The following GOSR1 variants were observed in gnomAD, a reference collection of about 807,000 sequenced individuals.
The protein encoded by GOSR1 is golgi SNAP receptor complex member 1, also known as 28 kDa Golgi SNARE protein.
A neutral mutation model predicts 35.5 loss-of-function variants in GOSR1; 21 were observed. The ratio of observed to expected loss-of-function variants is 0.59; its 90% CI spans 0.42 to 0.85. GOSR1 has a LOEUF of 0.85. GOSR1 is among the 40% of genes least tolerant of loss of function. The pLI, the probability that GOSR1 is intolerant of heterozygous loss-of-function variation, is 0.00. For missense variants in GOSR1, 285 were observed against 309.6 expected (o/e 0.92, Z 0.60); for synonymous variants, 94 against 106.6 (o/e 0.88, Z 0.73).
chr17:30,520,279 C>T, intron 8 of GOSR1: 1 of 314,092 alleles, frequency 3.2e-6, no homozygotes, highest in Non-Finnish European at 5.8e-6. Context: ...AAAAATTATC[C>T]ACCAATTTCT....
chr17:30,516,778 A>G (rs1456189469), intron 7 of GOSR1, among the ~76,000 whole-genome samples: 1 of 152,144 alleles, frequency 6.6e-6, no homozygotes, highest in African/African-American at 2.4e-5. Context: ...CAGTGGCGCG[A>G]TCTCAGCTCA....
rs145392958 is a variant in GOSR1, at chr17:30,483,574, C to T, written c.147-640C>T. ...ACACCCAGGCACTGTCACAGGGTAG[C>T]ACAAAGTCTTCAGTAAGATTGGAGA... On this transcript the variant is annotated intron_variant, in intron 2 of 8. Coordinates refer to ENST00000451249, the MANE Select transcript of GOSR1 (RefSeq NM_001007025.2). Among the ~76,000 whole-genome samples, 203 of 152,340 alleles carry T rather than the reference C, an allele frequency of 1.3e-3. 2 individuals carry two copies. The highest frequency in any genetic ancestry group is 4.1e-3 in the African/African-American group (169 of 41,578).
At chr17:30,484,620 C>A in intron 3 of GOSR1, 43 bp from the exon 4 acceptor site, 1 of 1,085,430 alleles carries the variant, frequency 9.2e-7, no homozygotes, top group Non-Finnish European at 1.4e-6. Flanking sequence ...GTTTATAGTG[C>A]TTAGTAAAAT....
At chr17:30,488,771 C>T (rs1914844887) in intron 4 of GOSR1, among the ~76,000 whole-genome samples, 1 of 151,750 alleles carries the variant, frequency 6.6e-6, no homozygotes, top group African/African-American at 2.4e-5. Flanking sequence ...CTCCTGACCT[C>T]TAGTGATCCG....
intron 2 of GOSR1, chr17:30,481,465 G>A (rs1914344834): frequency 2.7e-6 from 1 of 364,194 alleles, no homozygotes; most frequent in African/African-American, 2.0e-5. Flanking sequence ...CTTAGGCAAA[G>A]ATTGTTACAG....
At position 30,517,108 on chromosome 17, in the gene GOSR1, T is replaced by TTG. The variant is rs549986777; in HGVS notation, c.540-2819_540-2818dup. On this transcript the variant is annotated intron_variant, in intron 7 of 8. Coordinates refer to ENST00000451249, the MANE Select transcript of GOSR1 (RefSeq NM_001007025.2). ...AAATCCTAGCATGTCCATGTTAATT[T>TTG]TGTGTGTGTGTGTAGCTTCAGATGT... Among the ~76,000 whole-genome samples the TTG allele has an allele frequency of 2.5e-3, 382 of 152,184 alleles. 1 individual carries two copies. Among genetic ancestry groups the TTG allele is most frequent in the African/African-American group, 8.8e-3 (364 of 41,552 alleles).
In GOSR1 at chr17:30,522,410, C is replaced by G. The variant is rs753717493; in HGVS notation, c.*32C>G. ...ATCTTCAGGGACTCTTGACAGCCAC[C>G]GCTTTCACACCCTGGTCTGGAATAA... On this transcript the variant is annotated 3_prime_UTR_variant, in exon 9 of 9. Coordinates refer to ENST00000451249, the MANE Select transcript of GOSR1 (RefSeq NM_001007025.2). 2 of 1,517,208 alleles carry G rather than the reference C, an allele frequency of 1.3e-6. No individual in the cohort carries two copies. The highest frequency in any genetic ancestry group is 1.8e-6 in the Non-Finnish European group (2 of 1,123,912). 94.0% of individuals were successfully genotyped at this position (1,517,208 alleles called of 1,614,324 possible).
intron 7 of GOSR1, among the ~76,000 whole-genome samples, chr17:30,511,679 C>T (rs1052266770): frequency 2.0e-5 from 3 of 151,950 alleles, no homozygotes; most frequent in African/African-American, 7.3e-5. Flanking sequence ...TCAGGTGTGT[C>T]CCACCATGCC....
intron 4 of GOSR1, among the ~76,000 whole-genome samples, chr17:30,489,044 T>G (rs17767442): frequency 0.43 from 65,981 of 152,074 alleles, 15,131 homozygotes; most frequent in East Asian, 0.83. Context: ...TATTATGACT[T>G]ACTTGGCAAA....
intron 6 of GOSR1, among the ~76,000 whole-genome samples, chr17:30,501,965 C>T (rs1967225970): frequency 6.6e-6 from 1 of 152,144 alleles, no homozygotes; most frequent in Non-Finnish European, 1.5e-5. Context: ...GTCAAGATGT[C>T]CTTAAATAAG....
In GOSR1 at chr17:30,525,543, G is replaced by T. The variant is rs1340372791; in HGVS notation, c.*3165G>T. On this transcript the variant is annotated 3_prime_UTR_variant, in exon 9 of 9. Transcript: ENST00000451249. ...TTTCAAAGGGCCTTGATTGGTGGTT[G>T]TGTCTCGGTTAAAATTTATGGGACT... The T allele has an allele frequency of 1.3e-5, 2 of 152,130 alleles. No individual in the cohort carries two copies. The highest frequency in any genetic ancestry group is 2.9e-5 in the Non-Finnish European group (2 of 68,004). The allele number at this position is 152,130 out of a possible 1,614,324, so 9.4% of individuals were successfully genotyped here. A position where few individuals can be genotyped will look rare whatever the true frequency, so the allele number is the denominator to read the frequency against.
chr17:30,485,213 T>G (rs930784926), intron 4 of GOSR1: 11 of 195,846 alleles, frequency 5.6e-5, no homozygotes, highest in Non-Finnish European at 1.1e-4. Flanking sequence ...CTAAATAAAC[T>G]TTTAAAGATT....
intron 6 of GOSR1, 64 bp downstream of exon 6, chr17:30,492,817 A>G: frequency 1.1e-6 from 1 of 945,852 alleles, no homozygotes. Context: ...TACTTATGTA[A>G]CCAACATTTT....
intron 6 of GOSR1, among the ~76,000 whole-genome samples, chr17:30,502,744 C>T (rs1967257829): frequency 6.6e-6 from 1 of 152,228 alleles, no homozygotes. Context: ...AGAGAGGTTA[C>T]AGCTGGTTTC....
intron 6 of GOSR1, among the ~76,000 whole-genome samples, chr17:30,507,572 A>G (rs942715997): frequency 1.3e-5 from 2 of 152,004 alleles, no homozygotes; most frequent in African/African-American, 4.8e-5. Context: ...AAAATACAAA[A>G]ATTAGCTGGG....
intron 6 of GOSR1, among the ~76,000 whole-genome samples, chr17:30,499,380 T>C (rs1413302413): frequency 1.3e-5 from 2 of 150,462 alleles, no homozygotes; most frequent in African/African-American, 2.4e-5. Context: ...CTCATTCTGT[T>C]ACCCAGGCTG....
At chr17:30,501,711 G>C (rs1410615447) in intron 6 of GOSR1, among the ~76,000 whole-genome samples, 1 of 152,146 alleles carries the variant, frequency 6.6e-6, no homozygotes, top group Non-Finnish European at 1.5e-5. Flanking sequence ...GGCCAGGCTG[G>C]TCTTGAACTC....
intron 4 of GOSR1, 57 bp from the exon 5 acceptor site, chr17:30,490,069 A>C: frequency 1.2e-6 from 1 of 800,618 alleles, no homozygotes; most frequent in Non-Finnish European, 2.2e-6. Flanking sequence ...TAACTGGTTC[A>C]GTGAGATGAA....
intron 7 of GOSR1, among the ~76,000 whole-genome samples, chr17:30,515,538 C>T (rs1454874201): frequency 6.6e-6 from 1 of 152,040 alleles, no homozygotes. Flanking sequence ...TAGCTGCATG[C>T]GTTAGGAAGG....
Sources: allele counts gnomAD v4.1 joint callset (sites outside exome capture counted in the v4.1 genomes callset), GRCh38; gene constraint gnomAD v4.1.1; transcripts MANE v1.5; gene names NCBI Gene and HGNC (gene_info 2026-07-23, HGNC 2026-07-21).